PDE4D: variants seen among roughly 807,000 people sequenced by gnomAD.
The protein encoded by PDE4D is phosphodiesterase 4D.
PDE4D carries 24 observed loss-of-function variants against 87.4 expected under a neutral mutation model. That is an observed-to-expected ratio of 0.27 (90% CI 0.20 to 0.39). PDE4D has a LOEUF of 0.39. Ranked by LOEUF, PDE4D falls within the 10% of genes least tolerant of loss-of-function variation. The probability of loss-of-function intolerance (pLI) is 1.00; values close to 1 mark genes in which losing one functional copy is unlikely to be tolerated. For missense variants in PDE4D, 714 were observed against 1,041.0 expected (o/e 0.69, Z 4.32); for synonymous variants, 384 against 383.2 (o/e 1.00, Z -0.02).
intron 1 of PDE4D, among the ~76,000 whole-genome samples, chr5:59,771,485 G>GAAAGAAAGAA (rs56311484): frequency 2.7e-3 from 190 of 70,626 alleles, no homozygotes; most frequent in Admixed American, 4.1e-3. Context: ...AAGAAAGAAA[G>GAAAGAAAGAA]AGAGAGAGAG....
intron 1 of PDE4D, among the ~76,000 whole-genome samples, chr5:59,808,582 T>TTGTGTG (rs147077089): frequency 3.3e-5 from 5 of 150,262 alleles, no homozygotes; most frequent in African/African-American, 7.3e-5. Flanking sequence ...TCTATGACGT[T>TTGTGTG]TGTGTGTGTG....
intron 1 of PDE4D, among the ~76,000 whole-genome samples, chr5:60,364,421 A>G (rs564051319): frequency 3.3e-4 from 50 of 152,342 alleles, no homozygotes; most frequent in African/African-American, 1.0e-3. Flanking sequence ...TTTCTTTAGG[A>G]AAGCATTAGA....
At chr5:60,194,531 C>CT (rs1244986012) in intron 1 of PDE4D, among the ~76,000 whole-genome samples, 2 of 151,650 alleles carry the variant, frequency 1.3e-5, no homozygotes, top group African/African-American at 4.8e-5. Context: ...AGATGGCTGA[C>CT]TCTCCACCAA....
chr5:60,108,399 C>T (rs1021572485), intron 2 of PDE4D, among the ~76,000 whole-genome samples: 6 of 151,992 alleles, frequency 3.9e-5, no homozygotes, highest in Non-Finnish European at 8.8e-5. Flanking sequence ...GTTCATGGGT[C>T]GGAAGAATCA....
chr5:59,960,785 T>C (rs1759385869), intron 3 of PDE4D, among the ~76,000 whole-genome samples: 2 of 152,082 alleles, frequency 1.3e-5, no homozygotes, highest in South Asian at 4.1e-4. Context: ...ACAAGATCAA[T>C]AGAAACTCGA....
intron 1 of PDE4D, among the ~76,000 whole-genome samples, chr5:59,860,846 T>A (rs1413147579): frequency 6.6e-6 from 1 of 151,942 alleles, no homozygotes; most frequent in African/African-American, 2.4e-5. Flanking sequence ...TCGAACTTTT[T>A]TTTTTTAATT....
chr5:60,257,262 G>GA (rs1455532727), intron 1 of PDE4D, among the ~76,000 whole-genome samples: 1 of 149,370 alleles, frequency 6.7e-6, no homozygotes, highest in African/African-American at 2.5e-5. Context: ...GAAAAGAAAA[G>GA]AAAGAGAGAA....
At chr5:59,486,628 A>T (rs904627883) in intron 1 of PDE4D, among the ~76,000 whole-genome samples, 27 of 152,282 alleles carry the variant, frequency 1.8e-4, no homozygotes, top group African/African-American at 6.5e-4. Flanking sequence ...AGAAATGTAG[A>T]CCCATAGCTG....
intron 1 of PDE4D, among the ~76,000 whole-genome samples, chr5:59,632,528 G>A (rs1190341723): frequency 1.3e-5 from 2 of 152,184 alleles, no homozygotes; most frequent in Admixed American, 6.5e-5. Flanking sequence ...CCTCTTGGAC[G>A]AAGCTTCCAG....
At chr5:60,215,311 C>T (rs1228486305) in intron 1 of PDE4D, among the ~76,000 whole-genome samples, 2 of 152,018 alleles carry the variant, frequency 1.3e-5, no homozygotes, top group African/African-American at 4.8e-5. Context: ...GATAAAAAAA[C>T]TGTAGAGCAG....
intron 5 of PDE4D, among the ~76,000 whole-genome samples, chr5:59,045,121 C>T (rs1460008840): frequency 6.6e-6 from 1 of 152,054 alleles, no homozygotes; most frequent in Non-Finnish European, 1.5e-5. Flanking sequence ...GGCTATGGGA[C>T]AGTAAAAGAG....
chr5:59,756,810 CTT>C (rs5868192), intron 1 of PDE4D, among the ~76,000 whole-genome samples: 8 of 132,248 alleles, frequency 6.0e-5, no homozygotes, highest in South Asian at 2.3e-4. Context: ...GAGGTTCTTA[CTT>C]TTTTTTTTTT....
chr5:59,202,272 C>T (rs1009893422), intron 2 of PDE4D, among the ~76,000 whole-genome samples: 4 of 152,046 alleles, frequency 2.6e-5, no homozygotes, highest in East Asian at 3.9e-4. Flanking sequence ...GATCTCCTGA[C>T]GTCGTGATCC....
intron 1 of PDE4D, among the ~76,000 whole-genome samples, chr5:59,674,961 A>T (rs934922468): frequency 6.6e-6 from 1 of 152,216 alleles, no homozygotes; most frequent in African/African-American, 2.4e-5. Flanking sequence ...CCAGTGACTG[A>T]GGTAAATCAT....
intron 1 of PDE4D, among the ~76,000 whole-genome samples, chr5:60,370,344 C>T (rs1583552122): frequency 6.6e-6 from 1 of 152,138 alleles, no homozygotes; most frequent in East Asian, 1.9e-4. Context: ...ATATAATGGA[C>T]TATTTATAAT....
In PDE4D at chr5:60,422,041, A is replaced by T. The variant is rs1213028502; in HGVS notation, c.-90+65901T>A. Among the ~76,000 whole-genome samples, 3 of 152,362 alleles carry T rather than the reference A, an allele frequency of 2.0e-5. No homozygotes were observed. In the South Asian group the frequency reaches 6.2e-4, roughly 32 times the overall value. ...CAAAGCCTCCAAGAAATATGGGACT[A>T]TGTGAAAAGACCAAATCTACGTCTG... On this transcript the variant is annotated intron_variant, in intron 1 of 16. Transcript: ENST00000502484.
chr5:59,945,681 A>G (rs1757659707), intron 3 of PDE4D, among the ~76,000 whole-genome samples: 1 of 152,218 alleles, frequency 6.6e-6, no homozygotes, highest in African/African-American at 2.4e-5. Context: ...AGACCTTGAT[A>G]AGACATAAAA....
intron 1 of PDE4D, among the ~76,000 whole-genome samples, chr5:59,484,507 T>C (rs1247069246): frequency 1.3e-5 from 2 of 152,146 alleles, no homozygotes; most frequent in East Asian, 3.8e-4. Context: ...AAGCCCCCAC[T>C]GAAACACTGT....
intron 3 of PDE4D, among the ~76,000 whole-genome samples, chr5:59,921,300 G>A (rs1008614569): frequency 4.0e-5 from 6 of 151,762 alleles, no homozygotes; most frequent in East Asian, 1.9e-4. Context: ...TTTAAAACAC[G>A]AAAACAGCAT....
Sources: gnomAD v4.1 joint callset for allele counts (sites outside exome capture counted in the v4.1 genomes callset) on GRCh38, gnomAD v4.1.1 for gene constraint, MANE v1.5 for transcripts, NCBI Gene and HGNC (gene_info 2026-07-23, HGNC 2026-07-21) for gene names.